Variants in ZC2HC1B observed in about 807,000 individuals in gnomAD.
The protein encoded by ZC2HC1B is zinc finger C2HC-type containing 1B, also known as zinc finger C2HC domain-containing protein 1B.
A neutral mutation model predicts 31.0 loss-of-function variants in ZC2HC1B; 36 were observed. The observed-to-expected ratio is 1.16, with a 90% CI of 0.89 to 1.54. The LOEUF (loss-of-function observed/expected upper bound fraction) is 1.54. Ranked by LOEUF, ZC2HC1B falls within the 40% of genes most tolerant of loss-of-function variation. The pLI is 0.00. For synonymous variants in ZC2HC1B, 73 were observed against 88.0 expected, an observed-to-expected ratio of 0.83 and a Z score of 0.95; for missense variants, 260 against 268.6, an observed-to-expected ratio of 0.97 and a Z score of 0.22.
intron 1 of ZC2HC1B, among the ~76,000 whole-genome samples, chr6:143,867,845 G>A (rs917922952): frequency 1.3e-5 from 2 of 152,188 alleles, no homozygotes; most frequent in Non-Finnish European, 2.9e-5. Flanking sequence ...CTATCATACT[G>A]GGAATTCCCT....
At chr6:143,875,702 G>A (rs974840330) in intron 1 of ZC2HC1B, among the ~76,000 whole-genome samples, 1 of 150,494 alleles carries the variant, frequency 6.6e-6, no homozygotes, top group African/African-American at 2.5e-5. Context: ...GGGCCCCACA[G>A]GAATTTTGTC....
intron 4 of ZC2HC1B, among the ~76,000 whole-genome samples, chr6:143,891,930 G>A (rs1315271275): frequency 6.6e-6 from 1 of 152,140 alleles, no homozygotes; most frequent in Admixed American, 6.6e-5. Context: ...CCCCCTATCT[G>A]TGGGTAATTG....
chr6:143,887,707 A>T lies in ZC2HC1B; in HGVS notation c.349+886A>T, dbSNP rs1777546466. Among the ~76,000 whole-genome samples the T allele has an allele frequency of 6.6e-6, 1 of 151,974 alleles. No homozygotes were observed. The highest frequency in any genetic ancestry group is 1.5e-5 in the Non-Finnish European group (1 of 67,972). The stretch of plus-strand genomic sequence containing the variant: ...TCCACTTATTTAGTCATATTGTTAA[A>T]TTTTTTCCTCTATCTCATCTTTATG... On this transcript the variant is annotated intron_variant, in intron 4 of 7. Transcript: ENST00000237275. The surrounding 1 kb of genome is among the most constrained non-coding windows in gnomAD (Gnocchi z 5.1).
In ZC2HC1B at chr6:143,868,629, CCTT is replaced by C; in HGVS notation, c.28+4066_28+4068del. On this transcript the variant is annotated intron_variant, in intron 1 of 7. Coordinates refer to ENST00000237275, the MANE Select transcript of ZC2HC1B (RefSeq NM_001013623.3). This position sits in a 1 kb window ranked among gnomAD's most constrained non-coding sequence, Gnocchi z 4.2. Reference sequence around the variant, plus strand: ...ACACCCAGGATCAATAACTTTGCATCCTTCTTTCCAATCAGGTTGACACTCAGT... The same window carrying C: ...ACACCCAGGATCAATAACTTTGCATCCTTTCCAATCAGGTTGACACTCAGT... Among the ~76,000 whole-genome samples, 1 of 152,308 alleles carries C rather than the reference CCTT, an allele frequency of 6.6e-6. No individual in the cohort carries two copies. The highest frequency in any genetic ancestry group is 2.1e-4 in the South Asian group (1 of 4,832).
intron 7 of ZC2HC1B, 102 bp downstream of exon 7, chr6:143,937,835 A>C (rs971137070): frequency 1.2e-6 from 1 of 809,074 alleles, no homozygotes; most frequent in African/African-American, 1.8e-5. Flanking sequence ...ATCTGGACAA[A>C]CTCCAAGTTG....
intron 6 of ZC2HC1B, among the ~76,000 whole-genome samples, chr6:143,927,427 T>G (rs1198159500): frequency 2.0e-5 from 3 of 152,212 alleles, no homozygotes; most frequent in Non-Finnish European, 4.4e-5. Context: ...TTTTGTTATT[T>G]TACTTGAGAT....
Position 143,923,219 on chromosome 6 carries a change from G to A in ZC2HC1B, c.599-14430G>A, listed in dbSNP as rs1464673259. Among the ~76,000 whole-genome samples the A allele has an allele frequency of 1.3e-5, 2 of 151,784 alleles. No individual in the cohort carries two copies. The highest frequency in any genetic ancestry group is 4.8e-5 in the African/African-American group (2 of 41,316). On this transcript the variant is annotated intron_variant, in intron 6 of 7. Transcript: ENST00000237275. This position sits in a 1 kb window ranked among gnomAD's most constrained non-coding sequence, Gnocchi z 4.8. ...TCTTCTTTTGAGAAATGCCTACTCA[G>A]ATCCTTTGCCCACTTTTTCATGGGA...
In ZC2HC1B at chr6:143,922,699, T is replaced by C. The variant is rs1372016506; in HGVS notation, c.599-14950T>C. Among the ~76,000 whole-genome samples the C allele has an allele frequency of 6.6e-6, 1 of 152,208 alleles. No individual in the cohort carries two copies. The highest frequency in any genetic ancestry group is 2.4e-5 in the African/African-American group (1 of 41,458). On this transcript the variant is annotated intron_variant, in intron 6 of 7. Coordinates refer to ENST00000237275, the MANE Select transcript of ZC2HC1B (RefSeq NM_001013623.3). This position sits in a 1 kb window ranked among gnomAD's most constrained non-coding sequence, Gnocchi z 5.0. Reference sequence around the variant, plus strand: ...GCTGAATAGTATTCCACTGAGTATATATACCACATTTTCTTTTTTTCAAAT... The same window carrying C: ...GCTGAATAGTATTCCACTGAGTATACATACCACATTTTCTTTTTTTCAAAT...
rs575812265 is a variant in ZC2HC1B at position 143,869,009 on chromosome 6, C to T, written c.28+4442C>T. ...TACAGTCCTCATTTCTGCAGCTGGT[C>T]ACGTGGTCATAGCTGGTATTGATGA... On this transcript the variant is annotated intron_variant, in intron 1 of 7. Transcript: ENST00000237275. This position sits in a 1 kb window ranked among gnomAD's most constrained non-coding sequence, Gnocchi z 5.2. Among the ~76,000 whole-genome samples the T allele has an allele frequency of 2.0e-5, 3 of 152,292 alleles. No homozygotes were observed. The East Asian group carries it at 5.8e-4, about 29-fold the overall frequency.
chr6:143,909,421 G>T lies in ZC2HC1B; in HGVS notation c.598+6269G>T, dbSNP rs565287669. Among the ~76,000 whole-genome samples the T allele has an allele frequency of 4.8e-3, 731 of 151,936 alleles. 5 individuals carry two copies. Among genetic ancestry groups the T allele is most frequent in the African/African-American group, 0.017 (698 of 41,450 alleles). On this transcript the variant is annotated intron_variant, in intron 6 of 7. Transcript: ENST00000237275. ...CAAAAAAGAAAAAAAAATAAGTTAG[G>T]GAAGATTCCCCCTCCTTTTCAATTT...
At chr6:143,932,782 A>T (rs889438697) in intron 6 of ZC2HC1B, among the ~76,000 whole-genome samples, 1 of 151,996 alleles carries the variant, frequency 6.6e-6, no homozygotes, top group Admixed American at 6.5e-5. Context: ...TCTCATTTGG[A>T]TACACTATTT....
rs926608033 is a variant in ZC2HC1B at position 143,895,740 on chromosome 6, A to G, written c.350-2812A>G. On this transcript the variant is annotated intron_variant, in intron 4 of 7. Coordinates refer to ENST00000237275, the MANE Select transcript of ZC2HC1B (RefSeq NM_001013623.3). The surrounding 1 kb of genome is among the most constrained non-coding windows in gnomAD (Gnocchi z 4.8). ...CTGGGACATTCAGTTACCATTTTGC[A>G]TAGCTACATAGACACGGATACACAG... is the stretch of plus-strand genomic sequence containing the variant. Among the ~76,000 whole-genome samples, 8 of 152,210 alleles carry G rather than the reference A, an allele frequency of 5.3e-5. No individual in the cohort carries two copies. Among genetic ancestry groups the G allele is most frequent in the Admixed American group, 1.3e-4 (2 of 15,274 alleles).
In ZC2HC1B at chr6:143,933,336, C is replaced by T. The variant is rs1365758644; in HGVS notation, c.599-4313C>T. ...CTGCAATAGTAGAGGGGGATATAAG[C>T]TTGCTCTAATTTGGCCAGGACAAGT... is the stretch of plus-strand genomic sequence containing the variant. On this transcript the variant is annotated intron_variant, in intron 6 of 7. Transcript: ENST00000237275. This position sits in a 1 kb window ranked among gnomAD's most constrained non-coding sequence, Gnocchi z 6.4. Among the ~76,000 whole-genome samples, 2 of 152,158 alleles carry T rather than the reference C, an allele frequency of 1.3e-5. No homozygotes were observed. Among genetic ancestry groups the T allele is most frequent in the Admixed American group, 6.5e-5 (1 of 15,274 alleles).
intron 1 of ZC2HC1B, among the ~76,000 whole-genome samples, chr6:143,867,134 G>A (rs563392592): frequency 2.0e-5 from 3 of 152,194 alleles, no homozygotes; most frequent in South Asian, 2.1e-4. Context: ...TTAGACTTGG[G>A]TCCCATCCCC....
At chr6:143,873,128 C>A (rs916751453) in intron 1 of ZC2HC1B, among the ~76,000 whole-genome samples, 2 of 152,192 alleles carry the variant, frequency 1.3e-5, no homozygotes. Flanking sequence ...TGGGTAAATA[C>A]AGCCATTTCA....
rs537490349 is a variant in ZC2HC1B, at chr6:143,917,504, A to G, written c.598+14352A>G. ...TCACATTCTCATTTGAATTTATTCC[A>G]GCTTATCTTCATAACATACAATAAC... On this transcript the variant is annotated intron_variant, in intron 6 of 7. Coordinates refer to ENST00000237275, the MANE Select transcript of ZC2HC1B (RefSeq NM_001013623.3). This position sits in a 1 kb window ranked among gnomAD's most constrained non-coding sequence, Gnocchi z 4.1. Among the ~76,000 whole-genome samples the G allele has an allele frequency of 2.9e-4, 44 of 152,324 alleles. No homozygotes were observed. The highest frequency in any genetic ancestry group is 9.6e-4 in the African/African-American group (40 of 41,582).
intron 6 of ZC2HC1B, among the ~76,000 whole-genome samples, chr6:143,932,796 T>C (rs1456416241): frequency 6.6e-6 from 1 of 152,158 alleles, no homozygotes; most frequent in African/African-American, 2.4e-5. Context: ...ACTATTTCAG[T>C]GGAAAAATCT....
chr6:143,893,340 G>A lies in ZC2HC1B; in HGVS notation c.350-5212G>A, dbSNP rs565726987. 1.6e-3 allele frequency among the ~76,000 whole-genome samples: 244 copies of A among 152,214 alleles called. 1 individual carries two copies. Among genetic ancestry groups the A allele is most frequent in the African/African-American group, 5.4e-3 (225 of 41,546 alleles). On this transcript the variant is annotated intron_variant, in intron 4 of 7. Transcript: ENST00000237275. ...AGCACTTTGGGAGGCCAAGGTAGGCGGATCCCTTGAGGCCGGGAGTTTGAG... is the reference window on the plus strand; with the variant it reads ...AGCACTTTGGGAGGCCAAGGTAGGCAGATCCCTTGAGGCCGGGAGTTTGAG...
chr6:143,880,759 G>A (rs1023806747), intron 1 of ZC2HC1B, among the ~76,000 whole-genome samples: 6 of 151,788 alleles, frequency 4.0e-5, no homozygotes, highest in African/African-American at 1.5e-4. Context: ...AAAAAAAAAG[G>A]CGTCAGATTT....
Sources: allele counts gnomAD v4.1 joint callset (sites outside exome capture counted in the v4.1 genomes callset), GRCh38; gene constraint gnomAD v4.1.1; non-coding constraint Gnocchi (gnomAD v3.1); transcripts MANE v1.5; gene names NCBI Gene and HGNC (gene_info 2026-07-23, HGNC 2026-07-21).